Variants in PDZRN4 observed in about 807,000 individuals in gnomAD.
The protein encoded by PDZRN4 is PDZ domain containing ring finger 4.
Under a neutral mutation model 99.0 loss-of-function variants are expected in PDZRN4, and 70 were observed. The observed-to-expected ratio is 0.71, with a 90% confidence interval of 0.58 to 0.86. The LOEUF is 0.86. Ranked by LOEUF, PDZRN4 falls within the 40% of genes least tolerant of loss-of-function variation. The pLI is 0.00. For synonymous variants in PDZRN4, 551 were observed against 501.6 expected (o/e 1.10, Z -1.32); for missense variants, 1,474 against 1,331.2 (o/e 1.11, Z -1.67).
intron 3 of PDZRN4, among the ~76,000 whole-genome samples, chr12:41,444,422 T>G (rs1952706071): frequency 6.6e-6 from 1 of 152,200 alleles, no homozygotes; most frequent in African/African-American, 2.4e-5. Flanking sequence ...AGTTCCCTCC[T>G]TCTGCCCAAT....
chr12:41,363,266 G>A (rs995168481), intron 3 of PDZRN4, among the ~76,000 whole-genome samples: 1 of 152,054 alleles, frequency 6.6e-6, no homozygotes, highest in African/African-American at 2.4e-5. Flanking sequence ...CATGACTGAA[G>A]CAGAGGAGCT....
intron 6 of PDZRN4, among the ~76,000 whole-genome samples, chr12:41,555,250 GA>G (rs545027272): frequency 1.7e-5 from 2 of 119,230 alleles, no homozygotes; most frequent in East Asian, 2.5e-4. Context: ...AAAAAAAAAA[GA>G]AAAAAAAAAG....
In PDZRN4 at chr12:41,478,989, G is replaced by A. The variant is rs1410124408; in HGVS notation, c.844-27467G>A. Among the ~76,000 whole-genome samples, 5 of 152,160 alleles carry A rather than the reference G, an allele frequency of 3.3e-5. No individual in the cohort carries two copies. In the East Asian group the frequency reaches 7.7e-4, roughly 23 times the overall value. On this transcript the variant is annotated intron_variant, in intron 3 of 9. Coordinates refer to ENST00000402685, the MANE Select transcript of PDZRN4 (RefSeq NM_001164595.2). ...GTTTTTCATGAGTTGAGAAAATAAA[G>A]ACCAAAGCAATCTTTTTCTCCCTTC...
intron 3 of PDZRN4, among the ~76,000 whole-genome samples, chr12:41,404,468 A>G (rs1174478325): frequency 6.6e-6 from 1 of 152,166 alleles, no homozygotes; most frequent in South Asian, 2.1e-4. Context: ...AAAGCCCTAT[A>G]CAAGGAAAAC....
rs568075069 is a variant in PDZRN4 at position 41,420,715 on chromosome 12, T to A, written c.844-85741T>A. On this transcript the variant is annotated intron_variant, in intron 3 of 9. Transcript: ENST00000402685. ...CTTCATCTTTTGACTTATTTTAAAA[T>A]CTAGGGATATCCAAAAGCTCAGTTC... 6.6e-5 allele frequency among the ~76,000 whole-genome samples: 10 copies of A among 152,316 alleles called. No individual in the cohort carries two copies. In the South Asian group the frequency reaches 2.1e-3, roughly 32 times the overall value.
At chr12:41,514,001 C>T (rs1017071309) in intron 5 of PDZRN4, among the ~76,000 whole-genome samples, 3 of 152,028 alleles carry the variant, frequency 2.0e-5, no homozygotes, top group African/African-American at 7.2e-5. Context: ...ATCATTTTTA[C>T]TTCTCCCTCA....
chr12:41,437,886 C>T, intron 3 of PDZRN4: 2 of 1,613,470 alleles, frequency 1.2e-6, no homozygotes, highest in Non-Finnish European at 1.7e-6. Flanking sequence ...CCTTTCAGTT[C>T]ACTTGCCTTT....
chr12:41,320,866 C>A (rs1001764902), intron 3 of PDZRN4, among the ~76,000 whole-genome samples: 2 of 151,964 alleles, frequency 1.3e-5, no homozygotes, highest in African/African-American at 4.8e-5. Flanking sequence ...AGAAATCACA[C>A]CACAAAATTA....
chr12:41,214,452 T>TAAAAAAAAAAAAAAAAAAAAAAAAAAAA (rs1555216889), intron 3 of PDZRN4, among the ~76,000 whole-genome samples: 3 of 53,084 alleles, frequency 5.7e-5, no homozygotes, highest in Admixed American at 2.3e-4. Context: ...AAAAAAAAAG[T>TAAAAAAAAAAAAAAAAAAAAAAAAAAAA]TATCTATTTG....
In PDZRN4 at chr12:41,572,299, T is replaced by C. The variant is rs1427734479; in HGVS notation, c.1585-65T>C. 6 of 1,410,024 alleles carry C rather than the reference T, an allele frequency of 4.3e-6. No individual in the cohort carries two copies. In the Admixed American group the frequency reaches 1.1e-4, roughly 26 times the overall value. 87.3% of individuals were successfully genotyped at this position (1,410,024 alleles called of 1,614,324 possible). On this transcript the variant is annotated intron_variant, in intron 9 of 9. Coordinates refer to ENST00000402685, the MANE Select transcript of PDZRN4 (RefSeq NM_001164595.2). The stretch of plus-strand genomic sequence containing the variant: ...AGGAAACATTGGTTTTCAAACAAGA[T>C]TTTTAATAACAAATGTCTTCCAAAA...
chr12:41,569,364 C>T (rs1011757923), intron 9 of PDZRN4, among the ~76,000 whole-genome samples: 1 of 152,130 alleles, frequency 6.6e-6, no homozygotes, highest in Non-Finnish European at 1.5e-5. Context: ...AAGTGGTCCA[C>T]CAGCCTCAGC....
chr12:41,368,380 A>G (rs563264889), intron 3 of PDZRN4, among the ~76,000 whole-genome samples: 1 of 152,144 alleles, frequency 6.6e-6, no homozygotes, highest in East Asian at 1.9e-4. Context: ...CCCCCCAAGC[A>G]CACCTAATAG....
chr12:41,378,204 A>G (rs181877025), intron 3 of PDZRN4, among the ~76,000 whole-genome samples: 15 of 152,278 alleles, frequency 9.9e-5, no homozygotes, highest in Admixed American at 7.8e-4. Context: ...GAATTATGCT[A>G]TATGCTTTTT....
At chr12:41,331,121 C>T (rs536761913) in intron 3 of PDZRN4, among the ~76,000 whole-genome samples, 12 of 152,116 alleles carry the variant, frequency 7.9e-5, no homozygotes, top group Admixed American at 7.9e-4. Context: ...ATAATCTATT[C>T]AATGAAGCAA....
chr12:41,526,906 T>C (rs1938577279), intron 5 of PDZRN4, among the ~76,000 whole-genome samples: 1 of 152,268 alleles, frequency 6.6e-6, no homozygotes, highest in Non-Finnish European at 1.5e-5. Context: ...TCCTTTCAGC[T>C]ATCTGAAAGC....
intron 3 of PDZRN4, chr12:41,460,019 G>A: frequency 2.3e-6 from 3 of 1,288,550 alleles, no homozygotes; most frequent in Non-Finnish European, 3.0e-6. Context: ...ACCTGATGGA[G>A]AGTATGTGTG....
chr12:41,379,849 A>T (rs577476086), intron 3 of PDZRN4, among the ~76,000 whole-genome samples: 1 of 152,068 alleles, frequency 6.6e-6, no homozygotes, highest in South Asian at 2.1e-4. Flanking sequence ...TGTTTTGTTT[A>T]TATCTGTTAG....
At chr12:41,516,716 T>C (rs1938406634) in intron 5 of PDZRN4, among the ~76,000 whole-genome samples, 3 of 151,876 alleles carry the variant, frequency 2.0e-5, no homozygotes, top group Non-Finnish European at 4.4e-5. Context: ...AGGGTACCTA[T>C]ACATCCTGGT....
intron 3 of PDZRN4, among the ~76,000 whole-genome samples, chr12:41,214,591 T>G (rs549811728): frequency 6.6e-6 from 1 of 152,016 alleles, no homozygotes; most frequent in Non-Finnish European, 1.5e-5. Flanking sequence ...GAAAAATGTG[T>G]GTAGGCTTAA....
Sources: gnomAD v4.1 joint callset for allele counts (sites outside exome capture counted in the v4.1 genomes callset) on GRCh38, gnomAD v4.1.1 for gene constraint, MANE v1.5 for transcripts, NCBI Gene and HGNC (gene_info 2026-07-23, HGNC 2026-07-21) for gene names.